MAPK10: variants seen among roughly 807,000 people sequenced by gnomAD.
MAPK10 encodes mitogen-activated protein kinase 10, also known as JNK3 alpha protein kinase.
MAPK10 carries 25 observed loss-of-function variants against 59.3 expected under a neutral mutation model. That is an observed-to-expected ratio of 0.42 (90% CI 0.31 to 0.59). MAPK10 has a LOEUF of 0.59. Ranked by LOEUF, MAPK10 falls within the 20% of genes least tolerant of loss-of-function variation. The pLI is 0.15. For synonymous variants in MAPK10, 190 were observed against 200.5 expected, an observed-to-expected ratio of 0.95 and a Z score of 0.44; for missense variants, 351 against 568.9, an observed-to-expected ratio of 0.62 and a Z score of 3.90.
chr4:86,205,618 C>T (rs1299429413), intron 2 of MAPK10, among the ~76,000 whole-genome samples: 1 of 151,494 alleles, frequency 6.6e-6, no homozygotes, highest in Non-Finnish European at 1.5e-5. Context: ...ATACAGAAAA[C>T]CAAGTAGAGT....
chr4:86,511,631 A>G (rs1470272365), intron 1 of MAPK10, among the ~76,000 whole-genome samples: 1 of 151,334 alleles, frequency 6.6e-6, no homozygotes, highest in Non-Finnish European at 1.5e-5. Context: ...AGAGGAAAGA[A>G]GAAGGAAGAA....
Position 86,344,949 on chromosome 4 carries a change from G to A in MAPK10, c.-7+9581C>T, listed in dbSNP as rs79555623. 9.9e-3 allele frequency among the ~76,000 whole-genome samples: 1,515 copies of A among 152,272 alleles called. 17 individuals are homozygous for A. The highest frequency in any genetic ancestry group is 0.034 in the African/African-American group (1,433 of 41,568). Reference sequence around the variant, plus strand: ...TAGCAAAGGATAATTTTGGGATAAAGAATGATGCAAACCTGGAAAATTGAT... The same window carrying A: ...TAGCAAAGGATAATTTTGGGATAAAAAATGATGCAAACCTGGAAAATTGAT... On this transcript the variant is annotated intron_variant, in intron 2 of 13. Transcript: ENST00000641462.
At chr4:86,343,690 C>T (rs1462277158) in intron 2 of MAPK10, among the ~76,000 whole-genome samples, 2 of 152,046 alleles carry the variant, frequency 1.3e-5, no homozygotes, top group Non-Finnish European at 2.9e-5. Context: ...AACATTGTCA[C>T]TCTCGTACTC....
intron 9 of MAPK10, among the ~76,000 whole-genome samples, chr4:86,076,679 C>A (rs2049550589): frequency 1.3e-5 from 2 of 152,128 alleles, no homozygotes; most frequent in East Asian, 1.9e-4. Flanking sequence ...TTAATTTTAT[C>A]AATATTTTAT....
intron 2 of MAPK10, among the ~76,000 whole-genome samples, chr4:86,276,748 GTCTGGTTCTATCATTA>G (rs1183082724): frequency 6.6e-6 from 1 of 152,078 alleles, no homozygotes; most frequent in East Asian, 1.9e-4. Context: ...AATGCTGAGT[GTCTGGTTCTATCATTA>G]TCTGGTTCTA....
At chr4:86,543,326 G>C (rs1174984622) in intron 1 of MAPK10, among the ~76,000 whole-genome samples, 4 of 152,052 alleles carry the variant, frequency 2.6e-5, no homozygotes, top group Non-Finnish European at 4.4e-5. Context: ...TTCCATTCTT[G>C]TATCCATGTC....
At chr4:86,459,252 T>A (rs1751511548) in intron 1 of MAPK10, among the ~76,000 whole-genome samples, 1 of 152,104 alleles carries the variant, frequency 6.6e-6, no homozygotes, top group African/African-American at 2.4e-5. Flanking sequence ...AATCAAAAAA[T>A]AATAGATGCT....
chr4:86,301,482 A>G (rs1219660463), intron 2 of MAPK10, among the ~76,000 whole-genome samples: 1 of 152,092 alleles, frequency 6.6e-6, no homozygotes, highest in Non-Finnish European at 1.5e-5. Flanking sequence ...TGGAGCTGCC[A>G]CAGCCATACG....
intron 3 of MAPK10, among the ~76,000 whole-genome samples, chr4:86,176,791 C>T (rs552111096): frequency 7.9e-5 from 12 of 152,024 alleles, no homozygotes; most frequent in African/African-American, 2.2e-4. Context: ...ACAGGTAGAC[C>T]GTTATCATGA....
intron 1 of MAPK10, among the ~76,000 whole-genome samples, chr4:86,587,973 T>C (rs1282507641): frequency 6.6e-6 from 1 of 152,202 alleles, no homozygotes; most frequent in Non-Finnish European, 1.5e-5. Flanking sequence ...AGTATGGCTG[T>C]GCCTGTGAAT....
chr4:86,278,950 T>G (rs1410347154), intron 2 of MAPK10, among the ~76,000 whole-genome samples: 1 of 152,172 alleles, frequency 6.6e-6, no homozygotes, highest in Non-Finnish European at 1.5e-5. Context: ...GATCAAATCT[T>G]GAAAGAGAGA....
chr4:86,480,787 C>T (rs564817557), intron 1 of MAPK10, among the ~76,000 whole-genome samples: 25 of 152,082 alleles, frequency 1.6e-4, no homozygotes, highest in Non-Finnish European at 3.2e-4. Flanking sequence ...AAGAGAAAAG[C>T]ATAACAAATT....
At position 86,282,901 on chromosome 4, in the gene MAPK10, G is replaced by A. The variant is rs1431706275; in HGVS notation, c.-7+71629C>T. ...CCTGCTTATCATTAAGACACAAGAG[G>A]TTTTATTTTATATTTTGATAAAGAC... On this transcript the variant is annotated intron_variant, in intron 2 of 13. Coordinates refer to ENST00000641462, the MANE Select transcript of MAPK10 (RefSeq NM_138982.4). Among the ~76,000 whole-genome samples, 4 of 152,120 alleles carry A rather than the reference G, an allele frequency of 2.6e-5. No homozygotes were observed. In the East Asian group the frequency reaches 7.7e-4, roughly 29 times the overall value.
chr4:86,511,052 A>G (rs1319039066), intron 1 of MAPK10, among the ~76,000 whole-genome samples: 1 of 152,282 alleles, frequency 6.6e-6, no homozygotes, highest in Non-Finnish European at 1.5e-5. Context: ...TTTCCAACAC[A>G]AACAAAAGAT....
chr4:86,107,525 A>C, intron 4 of MAPK10, 173 bp from the exon 5 acceptor site: 1 of 1,280,946 alleles, frequency 7.8e-7, no homozygotes, highest in Non-Finnish European at 9.9e-7. Context: ...TGGCATAAGA[A>C]TATTCTACAT....
At chr4:86,357,405 T>C (rs527324887) in intron 1 of MAPK10, among the ~76,000 whole-genome samples, 79 of 152,288 alleles carry the variant, frequency 5.2e-4, no homozygotes, top group South Asian at 3.5e-3. Context: ...CTTAAAAATA[T>C]ATTTATGCCT....
At chr4:86,552,954 C>A (rs1428021026) in intron 1 of MAPK10, among the ~76,000 whole-genome samples, 1 of 152,148 alleles carries the variant, frequency 6.6e-6, no homozygotes, top group African/African-American at 2.4e-5. Context: ...ACGGTATGAA[C>A]ACGAAGTTCA....
At chr4:86,180,636 G>A (rs541399789) in intron 3 of MAPK10, among the ~76,000 whole-genome samples, 3 of 151,994 alleles carry the variant, frequency 2.0e-5, no homozygotes, top group African/African-American at 7.2e-5. Context: ...AGCAAATTAG[G>A]TATATACACT....
intron 2 of MAPK10, among the ~76,000 whole-genome samples, chr4:86,241,560 T>C (rs189711278): frequency 7.2e-5 from 11 of 152,270 alleles, no homozygotes; most frequent in African/African-American, 2.6e-4. Flanking sequence ...TGTCTGCATG[T>C]CTTATTTCAG....
Sources: allele counts gnomAD v4.1 joint callset (sites outside exome capture counted in the v4.1 genomes callset), GRCh38; gene constraint gnomAD v4.1.1; transcripts MANE v1.5; gene names NCBI Gene and HGNC (gene_info 2026-07-23, HGNC 2026-07-21).